Variants in MICAL2 observed in about 807,000 individuals in gnomAD.
The protein encoded by MICAL2 is microtubule associated monooxygenase, calponin and LIM domain containing 2.
A neutral mutation model predicts 127.3 loss-of-function variants in MICAL2; 77 were observed. The observed-to-expected ratio is 0.60, with a 90% confidence interval of 0.50 to 0.73. The LOEUF is 0.73. Among genes scored for constraint, MICAL2 ranks in the 30% least tolerant of loss-of-function variants. The pLI, the probability that MICAL2 is intolerant of heterozygous loss-of-function variation, is 0.00. For missense variants in MICAL2, 1,351 were observed against 1,434.4 expected, an observed-to-expected ratio of 0.94 and a Z score of 0.94; for synonymous variants, 570 against 551.1, an observed-to-expected ratio of 1.03 and a Z score of -0.48.
At chr11:12,223,594 AC>A in intron 12 of MICAL2, 93 bp downstream of exon 12, 1 of 1,132,402 alleles carries the variant, frequency 8.8e-7, no homozygotes, top group Non-Finnish European at 1.3e-6. Flanking sequence ...AGGCACTGCA[AC>A]CAGCCTGGCT....
At chr11:12,146,565 G>A (rs974868490) in intron 2 of MICAL2, among the ~76,000 whole-genome samples, 5 of 152,162 alleles carry the variant, frequency 3.3e-5, no homozygotes, top group African/African-American at 1.2e-4. Context: ...GGAAACAACA[G>A]GTGCTGGAGA....
At chr11:12,327,114 G>A in intron 31 of MICAL2, 1 of 1,443,658 alleles carries the variant, frequency 6.9e-7, no homozygotes, top group Non-Finnish European at 9.5e-7. Flanking sequence ...GGCAGAATCA[G>A]CCCCTCTTGG....
intron 30 of MICAL2, among the ~76,000 whole-genome samples, chr11:12,323,043 C>A (rs1266436229): frequency 1.3e-5 from 2 of 152,120 alleles, no homozygotes; most frequent in African/African-American, 4.8e-5. Context: ...CTTTGCCTGT[C>A]TTGTGGGCCC....
In MICAL2 at chr11:12,223,281, G is replaced by A. The variant is rs908985090; in HGVS notation, c.1450-130G>A. 4.0e-5 allele frequency: 30 copies of A among 748,996 alleles called. No homozygotes were observed. In the South Asian group the frequency reaches 4.4e-4, roughly 11 times the overall value. The allele number at this position is 748,996 out of a possible 1,614,324, so 46.4% of individuals were successfully genotyped here. A position where few individuals can be genotyped will look rare whatever the true frequency, so the allele number is the denominator to read the frequency against. On this transcript the variant is annotated intron_variant, in intron 11 of 27. Transcript: ENST00000683283. ...CTGAAGTTGCCTGCGTTCCCTTGCCGAAGGTCATGCCTCCCAGCAGTAGAG... is the reference window on the plus strand; with the variant it reads ...CTGAAGTTGCCTGCGTTCCCTTGCCAAAGGTCATGCCTCCCAGCAGTAGAG...
At chr11:12,145,477 A>AG (rs1485674854) in intron 2 of MICAL2, among the ~76,000 whole-genome samples, 1 of 152,168 alleles carries the variant, frequency 6.6e-6, no homozygotes, top group Non-Finnish European at 1.5e-5. Context: ...TGGAGAAAGC[A>AG]GGGGGAGTCA....
Position 12,255,658 on chromosome 11 carries a change from G to A in MICAL2, c.2863G>A (p.Val955Met), listed in dbSNP as rs770503910. 3.7e-6 allele frequency: 6 copies of A among 1,613,994 alleles called. No individual in the cohort carries two copies. The highest frequency in any genetic ancestry group is 5.1e-6 in the Non-Finnish European group (6 of 1,180,014). ...TVHPQLTVGK[V>M]SSGIGAAAEV... is the part of the protein sequence containing the mutation. ...TCTTGGTTAGCTGACGGTAGGGAAA[G>A]TGTCCAGCGGAATAGGGGCTGCAGC... Residue 955 changes from valine to methionine, a missense_variant, in exon 23 of 28, where the codon GTG becomes ATG. Val to Met is a conservative substitution (Grantham distance 21). Transcript: ENST00000683283.
At chr11:12,338,557 C>G (rs974399950) in intron 32 of MICAL2, among the ~76,000 whole-genome samples, 3 of 152,304 alleles carry the variant, frequency 2.0e-5, no homozygotes, top group South Asian at 2.1e-4. Flanking sequence ...CCTTGATGGT[C>G]TTTACAATTT....
chr11:12,136,080 C>G (rs1038976405), intron 1 of MICAL2, among the ~76,000 whole-genome samples: 7 of 152,110 alleles, frequency 4.6e-5, no homozygotes, highest in African/African-American at 1.7e-4. Flanking sequence ...TCCCGGAGTT[C>G]CTGTCACTTG....
chr11:12,148,878 A>G (rs1434799731), intron 2 of MICAL2, among the ~76,000 whole-genome samples: 3 of 152,212 alleles, frequency 2.0e-5, no homozygotes, highest in Admixed American at 1.3e-4. Context: ...CAGCCCAGCC[A>G]GGCGTCACTG....
intron 29 of MICAL2, among the ~76,000 whole-genome samples, chr11:12,307,817 T>C (rs1398205553): frequency 1.3e-5 from 2 of 152,226 alleles, no homozygotes; most frequent in African/African-American, 4.8e-5. Flanking sequence ...TCCATTGATC[T>C]ATACAATCAT....
intron 29 of MICAL2, among the ~76,000 whole-genome samples, chr11:12,298,517 A>G (rs1044693502): frequency 5.9e-5 from 9 of 152,132 alleles, no homozygotes; most frequent in Admixed American, 5.2e-4. Context: ...TAGAATCTCC[A>G]GAACAATGTT....
chr11:12,222,915 T>G (rs1484532945), intron 11 of MICAL2, among the ~76,000 whole-genome samples, 172 bp downstream of exon 11: 4 of 152,230 alleles, frequency 2.6e-5, no homozygotes, highest in African/African-American at 9.6e-5. Flanking sequence ...GCATTCTTTC[T>G]AGCCCGCAGG....
chr11:12,299,323 C>G (rs1444237544), intron 29 of MICAL2, among the ~76,000 whole-genome samples: 1 of 152,100 alleles, frequency 6.6e-6, no homozygotes, highest in Non-Finnish European at 1.5e-5. Flanking sequence ...CACATATATG[C>G]ACTGACACTG....
intron 32 of MICAL2, among the ~76,000 whole-genome samples, chr11:12,345,923 C>A (rs949312442): frequency 1.4e-4 from 21 of 152,150 alleles, no homozygotes; most frequent in Admixed American, 2.6e-4. Flanking sequence ...AAATGACAGA[C>A]GATCTGGAGG....
intron 20 of MICAL2, 125 bp from the exon 21 acceptor site, chr11:12,243,862 T>C: frequency 1.7e-6 from 2 of 1,183,128 alleles, no homozygotes; most frequent in East Asian, 2.4e-5. Context: ...TGTGTTGTCC[T>C]GAGACATGGG....
At chr11:12,174,046 G>A (rs1478099321) in intron 3 of MICAL2, among the ~76,000 whole-genome samples, 1 of 151,978 alleles carries the variant, frequency 6.6e-6, no homozygotes, top group African/African-American at 2.4e-5. Flanking sequence ...CTAAATTTTA[G>A]TCAGAAATAC....
intron 1 of MICAL2, among the ~76,000 whole-genome samples, chr11:12,129,565 G>C (rs1265062694): frequency 6.6e-6 from 1 of 151,132 alleles, no homozygotes; most frequent in Non-Finnish European, 1.5e-5. Context: ...TTTTCCTAAA[G>C]AGGACTGGGA....
chr11:12,239,599 A>G lies in MICAL2; in HGVS notation c.2214+14A>G, dbSNP rs942048735. 1.2e-6 allele frequency: 2 copies of G among 1,612,632 alleles called. No individual in the cohort carries two copies. The highest frequency in any genetic ancestry group is 1.7e-5 in the Admixed American group (1 of 59,728). ...CTCATGAAGCAGGTGAGTCATGTCAAATACTCACTGGACCTAACTTCCTGG... is the reference window on the plus strand; with the variant it reads ...CTCATGAAGCAGGTGAGTCATGTCAGATACTCACTGGACCTAACTTCCTGG... On this transcript the variant is annotated intron_variant, in intron 17 of 27. Coordinates refer to ENST00000683283, the MANE Select transcript of MICAL2 (RefSeq NM_001282663.2).
chr11:12,336,435 G>A lies in MICAL2; in HGVS notation c.5515+9169G>A, dbSNP rs190306936. ...TGACTTCCTTTTTTCCTAATTGAAT[G>A]CCCTTTATTTCCTTCTCCTGCCTGA... On this transcript the variant is annotated intron_variant, in intron 32 of 34. Transcript: ENST00000646065. 1.7e-4 allele frequency among the ~76,000 whole-genome samples: 26 copies of A among 152,154 alleles called. No homozygotes were observed. The South Asian group carries it at 2.7e-3, about 16-fold the overall frequency.
Sources: gnomAD v4.1 joint callset for allele counts (sites outside exome capture counted in the v4.1 genomes callset) on GRCh38, gnomAD v4.1.1 for gene constraint, MANE v1.5 for transcripts, NCBI Gene and HGNC (gene_info 2026-07-23, HGNC 2026-07-21) for gene names.